Variants in DPP6 observed in about 807,000 individuals in gnomAD.
The protein encoded by DPP6 is dipeptidyl peptidase like 6.
DPP6 carries 69 observed loss-of-function variants against 122.6 expected under a neutral mutation model. That is an observed-to-expected ratio of 0.56 (90% CI 0.46 to 0.69). The LOEUF is 0.69. Among genes scored for constraint, DPP6 ranks in the 30% least tolerant of loss-of-function variants. The pLI, the probability that DPP6 is intolerant of heterozygous loss-of-function variation, is 0.00. For synonymous variants in DPP6, 418 were observed against 433.1 expected, an observed-to-expected ratio of 0.97 and a Z score of 0.43; for missense variants, 928 against 1,116.9, an observed-to-expected ratio of 0.83 and a Z score of 2.41.
chr7:153,752,027 A>C, the DPP6 span, among the ~76,000 whole-genome samples: 1 of 152,286 alleles, frequency 6.6e-6, no homozygotes, highest in South Asian at 2.1e-4. Context: ...ATTTTGGATA[A>C]GTTGCTTAAC....
the DPP6 span, among the ~76,000 whole-genome samples, chr7:153,871,298 C>T: frequency 3.9e-5 from 6 of 152,310 alleles, no homozygotes; most frequent in South Asian, 2.1e-4. Flanking sequence ...GTGGGCTCCA[C>T]GCAGTTTGAG....
At chr7:154,682,606 T>TC (rs370810202) in intron 7 of DPP6, among the ~76,000 whole-genome samples, 48 of 152,340 alleles carry the variant, frequency 3.2e-4, no homozygotes, top group African/African-American at 1.1e-3. Flanking sequence ...ACAAGAGGTT[T>TC]CTAAGAACGT....
intron 1 of DPP6, among the ~76,000 whole-genome samples, chr7:154,120,434 C>T (rs562824159): frequency 5.9e-5 from 9 of 151,952 alleles, no homozygotes; most frequent in Non-Finnish European, 8.8e-5. Context: ...TTAGTAGAGA[C>T]GGGGTTTCAC....
chr7:154,463,169 TG>T (rs1206421503), intron 2 of DPP6, among the ~76,000 whole-genome samples: 1 of 149,720 alleles, frequency 6.7e-6, no homozygotes, highest in African/African-American at 2.5e-5. Flanking sequence ...CAACACAAAG[TG>T]CTTTTTACCT....
At chr7:154,003,316 G>A (rs1486273578) in intron 1 of DPP6, among the ~76,000 whole-genome samples, 2 of 152,158 alleles carry the variant, frequency 1.3e-5, no homozygotes, top group Non-Finnish European at 2.9e-5. Context: ...CCAGATAACA[G>A]GATGGAAGGA....
chr7:154,518,128 C>A (rs1202543809), intron 3 of DPP6, among the ~76,000 whole-genome samples: 1 of 152,178 alleles, frequency 6.6e-6, no homozygotes, highest in East Asian at 1.9e-4. Flanking sequence ...ATATGCCATT[C>A]ATTGATTTTT....
intron 1 of DPP6, among the ~76,000 whole-genome samples, chr7:154,340,860 A>G (rs976615093): frequency 6.6e-6 from 1 of 152,202 alleles, no homozygotes; most frequent in Non-Finnish European, 1.5e-5. Flanking sequence ...AGGGAGTACC[A>G]TGAAACCCGT....
intron 4 of DPP6, among the ~76,000 whole-genome samples, chr7:154,566,162 C>T (rs1830732395): frequency 6.6e-6 from 1 of 152,200 alleles, no homozygotes; most frequent in Non-Finnish European, 1.5e-5. Flanking sequence ...CTAGTAACAA[C>T]TCTGCTTATT....
At chr7:154,859,042 T>TGACAA (rs1803080512) in intron 17 of DPP6, among the ~76,000 whole-genome samples, 1 of 152,170 alleles carries the variant, frequency 6.6e-6, no homozygotes, top group Non-Finnish European at 1.5e-5. Flanking sequence ...ACCAGATGTC[T>TGACAA]GACAAGGGGG....
At chr7:153,774,262 A>C in the DPP6 span, among the ~76,000 whole-genome samples, 1 of 152,316 alleles carries the variant, frequency 6.6e-6, no homozygotes, top group African/African-American at 2.4e-5. Flanking sequence ...GTTTGGGAGA[A>C]GGAAAGGTGA....
chr7:153,962,331 CCTT>C (rs1350003839), intron 1 of DPP6, among the ~76,000 whole-genome samples: 2 of 152,166 alleles, frequency 1.3e-5, no homozygotes, highest in East Asian at 1.9e-4. Context: ...GCTAGTGACT[CCTT>C]CTTCCTTTCT....
the DPP6 span, among the ~76,000 whole-genome samples, chr7:153,805,786 T>G: frequency 6.6e-6 from 1 of 152,124 alleles, no homozygotes; most frequent in East Asian, 1.9e-4. Context: ...CTCACTCATA[T>G]GTGGGAATTG....
intron 12 of DPP6, among the ~76,000 whole-genome samples, chr7:154,801,060 T>C (rs974544329): frequency 6.6e-6 from 1 of 151,980 alleles, no homozygotes; most frequent in African/African-American, 2.4e-5. Flanking sequence ...GAGCTTGGCG[T>C]GCACATGGGG....
rs1260562411 is a variant in DPP6, at chr7:154,819,421, A to AT, written c.1666+12310dup. 1.1e-3 allele frequency among the ~76,000 whole-genome samples: 159 copies of AT among 151,078 alleles called. 1 individual carries two copies. Among genetic ancestry groups the AT allele is most frequent in the East Asian group, 4.5e-3 (23 of 5,130 alleles). ...CAAGAGTGAAACTCTGTCTCAATAA[A>AT]TAAATAAATTAATTAATTAATTAAT... On this transcript the variant is annotated intron_variant, in intron 16 of 25. Coordinates refer to ENST00000377770, the MANE Select transcript of DPP6 (RefSeq NM_130797.4).
At chr7:154,031,067 G>T (rs1799203053) in intron 1 of DPP6, among the ~76,000 whole-genome samples, 1 of 151,278 alleles carries the variant, frequency 6.6e-6, no homozygotes, top group South Asian at 2.1e-4. Flanking sequence ...ATCCTCCCTG[G>T]CTATTACCTC....
chr7:154,053,277 G>A (rs987455304), intron 1 of DPP6, among the ~76,000 whole-genome samples: 3 of 151,674 alleles, frequency 2.0e-5, no homozygotes, highest in Non-Finnish European at 4.4e-5. Context: ...CGCGGCGGCC[G>A]GGAGTTGGTG....
At chr7:154,595,647 C>A (rs1319476437) in intron 5 of DPP6, among the ~76,000 whole-genome samples, 1 of 152,244 alleles carries the variant, frequency 6.6e-6, no homozygotes, top group Admixed American at 6.5e-5. Context: ...TAGAAAAGCC[C>A]TTGCCTTCTT....
intron 1 of DPP6, among the ~76,000 whole-genome samples, chr7:154,317,953 A>G (rs1563468460): frequency 6.6e-6 from 1 of 152,216 alleles, no homozygotes; most frequent in Non-Finnish European, 1.5e-5. Flanking sequence ...ACATATTCTC[A>G]ACAAATGCAT....
chr7:154,892,704 C>A lies in DPP6; in HGVS notation c.*224C>A, dbSNP rs946461058. The A allele has an allele frequency of 2.1e-6, 2 of 957,390 alleles. No individual in the cohort carries two copies. Among genetic ancestry groups the A allele is most frequent in the Non-Finnish European group, 3.3e-6 (2 of 608,570 alleles). The allele number at this position is 957,390 out of a possible 1,614,324, so 59.3% of individuals were successfully genotyped here. The stretch of plus-strand genomic sequence containing the variant: ...GGCACCAGGGACAACGCTGTCCCCG[C>A]AGCAGCGCCTCCTCCCGGCGCCCGA... On this transcript the variant is annotated 3_prime_UTR_variant, in exon 26 of 26. Transcript: ENST00000377770.
Sources: gnomAD v4.1 joint callset for allele counts (sites outside exome capture counted in the v4.1 genomes callset) on GRCh38, gnomAD v4.1.1 for gene constraint, MANE v1.5 for transcripts, NCBI Gene and HGNC (gene_info 2026-07-23, HGNC 2026-07-21) for gene names.